NCOA7: variants seen among roughly 807,000 people sequenced by gnomAD.
NCOA7 encodes nuclear receptor coactivator 7.
In NCOA7, 45 loss-of-function variants were observed where a neutral mutation model predicts 104.3. The observed-to-expected ratio is 0.43, with a 90% confidence interval of 0.34 to 0.55. NCOA7 has a LOEUF of 0.55. Ranked by LOEUF, NCOA7 falls within the 20% of genes least tolerant of loss-of-function variation. The probability of loss-of-function intolerance (pLI) is 0.02; values close to 1 mark genes in which losing one functional copy is unlikely to be tolerated. For missense variants in NCOA7, 1,041 were observed against 1,119.7 expected (o/e 0.93, Z 1.00); for synonymous variants, 398 against 402.3 (o/e 0.99, Z 0.13).
chr6:125,910,150 G>A (rs1366474359), intron 10 of NCOA7, among the ~76,000 whole-genome samples: 1 of 152,154 alleles, frequency 6.6e-6, no homozygotes, highest in African/African-American at 2.4e-5. Flanking sequence ...CTTATTTAGT[G>A]TGGATGTTCT....
At chr6:125,851,040 A>G (rs1264178947) in intron 2 of NCOA7, among the ~76,000 whole-genome samples, 1 of 152,230 alleles carries the variant, frequency 6.6e-6, no homozygotes, top group East Asian at 1.9e-4. Flanking sequence ...AGAAAATAAT[A>G]TGTTTAATGA....
At chr6:125,905,454 G>T (rs940125921) in intron 10 of NCOA7, among the ~76,000 whole-genome samples, 12 of 152,070 alleles carry the variant, frequency 7.9e-5, no homozygotes, top group African/African-American at 2.9e-4. Context: ...AAGAGATGGG[G>T]TTTCACCATG....
intron 3 of NCOA7, among the ~76,000 whole-genome samples, chr6:125,868,397 T>C (rs527629756): frequency 6.6e-6 from 1 of 152,380 alleles, no homozygotes; most frequent in Non-Finnish European, 1.5e-5. Flanking sequence ...ATGTGCTCTG[T>C]GCCAGGCTCT....
intron 11 of NCOA7, among the ~76,000 whole-genome samples, chr6:125,920,277 T>A (rs997248857): frequency 6.6e-6 from 1 of 152,236 alleles, no homozygotes; most frequent in Non-Finnish European, 1.5e-5. Context: ...GTAGCTGTTA[T>A]CATTCGTTAT....
intron 2 of NCOA7, among the ~76,000 whole-genome samples, chr6:125,847,929 A>C (rs1305318449): frequency 6.6e-6 from 1 of 152,222 alleles, no homozygotes; most frequent in Non-Finnish European, 1.5e-5. Flanking sequence ...AATATCCAGA[A>C]TCTACAAAGA....
intron 2 of NCOA7, among the ~76,000 whole-genome samples, chr6:125,832,107 T>C (rs490361): frequency 0.26 from 39,648 of 152,166 alleles, 6,292 homozygotes; most frequent in South Asian, 0.44. Flanking sequence ...TCTATACTTC[T>C]TCCGTATCTC....
chr6:125,839,491 G>T (rs1460191172), intron 2 of NCOA7, among the ~76,000 whole-genome samples: 6 of 151,864 alleles, frequency 4.0e-5, no homozygotes, highest in African/African-American at 1.2e-4. Flanking sequence ...GGGGCTGAAA[G>T]TTCCAACCTT....
intron 10 of NCOA7, among the ~76,000 whole-genome samples, chr6:125,906,872 A>C (rs1416272145): frequency 2.0e-5 from 3 of 152,318 alleles, no homozygotes; most frequent in African/African-American, 7.2e-5. Flanking sequence ...TAGGTTAAAT[A>C]AACAAGGCAA....
rs553556618 is a variant in NCOA7, at chr6:125,929,806, C to T, written c.*1035C>T. 2.0e-5 allele frequency: 3 copies of T among 152,192 alleles called. No homozygotes were observed. The highest frequency in any genetic ancestry group is 1.9e-4 in the East Asian group (1 of 5,188). 9.4% of individuals were successfully genotyped at this position (152,192 alleles called of 1,614,324 possible). ...GTGTTAATAACAAAAACTTTATTTT[C>T]GGAGTGTTCTTTGTATAACTTTTCC... On this transcript the variant is annotated 3_prime_UTR_variant, in exon 16 of 16. Coordinates refer to ENST00000392477, the MANE Select transcript of NCOA7 (RefSeq NM_181782.5).
At chr6:125,810,362 G>C (rs891803729) in intron 1 of NCOA7, 10 of 152,164 alleles carry the variant, frequency 6.6e-5, no homozygotes, top group African/African-American at 2.2e-4. Flanking sequence ...GGATTTTTAT[G>C]TGCTATTTTT....
intron 3 of NCOA7, among the ~76,000 whole-genome samples, chr6:125,861,926 A>G (rs60350792): frequency 0.13 from 15,016 of 117,126 alleles, 1,276 homozygotes; most frequent in African/African-American, 0.23. Context: ...AATTCCAGCT[A>G]CTCAGGAGGC....
At chr6:125,804,796 A>G (rs1172983487) in intron 1 of NCOA7, among the ~76,000 whole-genome samples, 9 of 152,150 alleles carry the variant, frequency 5.9e-5, no homozygotes, top group Admixed American at 5.9e-4. Context: ...TTTTAAAAAA[A>G]GAAAAATTCC....
intron 11 of NCOA7, among the ~76,000 whole-genome samples, chr6:125,919,717 G>A (rs186613946): frequency 6.6e-4 from 100 of 152,204 alleles, no homozygotes; most frequent in Non-Finnish European, 1.9e-4. Context: ...TAAAATGCTT[G>A]GTTTGTGATT....
chr6:125,787,418 T>C (rs1160041276), upstream of NCOA7, among the ~76,000 whole-genome samples: 5 of 152,176 alleles, frequency 3.3e-5, no homozygotes, highest in African/African-American at 9.7e-5. Flanking sequence ...AGAAAATCAC[T>C]TGGGAGAAAT....
chr6:125,925,397 G>A (rs1787936344), intron 13 of NCOA7, among the ~76,000 whole-genome samples: 1 of 152,182 alleles, frequency 6.6e-6, no homozygotes, highest in Non-Finnish European at 1.5e-5. Context: ...TGGAGACAGG[G>A]TAAACTTCAT....
chr6:125,889,770 T>G lies in NCOA7; in HGVS notation c.1716T>G (p.Thr572=), dbSNP rs1784497519. ...SSLSQAGDPI[T]EGNKEPDKTW... ...TTTCCCAGGCGGGTGATCCCATAAC[T>G]GAGGGCAATAAAGAGCCAGATAAGA... Residue 572 remains threonine (T), a synonymous_variant, in exon 9 of 16, where the codon ACT becomes ACG. Transcript: ENST00000392477. 1.9e-6 allele frequency: 3 copies of G among 1,612,142 alleles called. No individual in the cohort carries two copies. Among genetic ancestry groups the G allele is most frequent in the Admixed American group, 1.7e-5 (1 of 59,648 alleles).
chr6:125,804,493 C>T (rs936328557), intron 1 of NCOA7, among the ~76,000 whole-genome samples: 1 of 152,090 alleles, frequency 6.6e-6, no homozygotes, highest in Admixed American at 6.6e-5. Context: ...GAGGATGTCT[C>T]TTATGACTAG....
intron 1 of NCOA7, among the ~76,000 whole-genome samples, chr6:125,784,249 A>T (rs1423941549): frequency 6.6e-6 from 1 of 152,192 alleles, no homozygotes; most frequent in Non-Finnish European, 1.5e-5. Context: ...ATTGAATCTA[A>T]TATATGTCAG....
intron 6 of NCOA7, among the ~76,000 whole-genome samples, chr6:125,881,804 A>G: frequency 6.7e-6 from 1 of 150,292 alleles, no homozygotes; most frequent in Non-Finnish European, 1.5e-5. Context: ...TCATGAGTCT[A>G]ATATGAATTT....
Sources: gnomAD v4.1 joint callset for allele counts (sites outside exome capture counted in the v4.1 genomes callset) on GRCh38, gnomAD v4.1.1 for gene constraint, MANE v1.5 for transcripts, NCBI Gene and HGNC (gene_info 2026-07-23, HGNC 2026-07-21) for gene names.